Variants in SCEL observed in about 807,000 individuals in gnomAD.
SCEL encodes the protein sciellin.
In SCEL, 113 loss-of-function variants were observed where a neutral mutation model predicts 117.6. That is an observed-to-expected ratio of 0.96 (90% confidence interval 0.83 to 1.12). The LOEUF (loss-of-function observed/expected upper bound fraction) is 1.12. Among genes scored for constraint, SCEL ranks in the 50% most tolerant of loss-of-function variants. The pLI is 0.00. For synonymous variants in SCEL, 270 were observed against 256.2 expected (o/e 1.05, Z -0.51); for missense variants, 785 against 810.8 (o/e 0.97, Z 0.39).
chr13:77,613,840 C>CA, intron 23 of SCEL, 53 bp from the exon 24 acceptor site: 1 of 1,459,678 alleles, frequency 6.9e-7, no homozygotes. Flanking sequence ...CCTGTCAAAA[C>CA]AAAAAAGAAA....
chr13:77,599,220 C>A, intron 13 of SCEL, 109 bp from the exon 14 acceptor site: 1 of 731,560 alleles, frequency 1.4e-6, no homozygotes, highest in East Asian at 2.7e-5. Context: ...CTCATCTTCC[C>A]CAACAAGCTT....
At chr13:77,602,383 A>G in intron 16 of SCEL, 3 of 485,782 alleles carry the variant, frequency 6.2e-6, no homozygotes, top group Non-Finnish European at 1.1e-5. Context: ...GAGATGAGTC[A>G]AATTTTAATT....
chr13:77,571,654 A>G (rs1389063028), intron 8 of SCEL, among the ~76,000 whole-genome samples: 1 of 151,474 alleles, frequency 6.6e-6, no homozygotes, highest in Non-Finnish European at 1.5e-5. Flanking sequence ...GCGCCATTAC[A>G]CTCCGGCCTG....
chr13:77,565,780 A>C (rs2085253926), intron 5 of SCEL, among the ~76,000 whole-genome samples: 1 of 151,690 alleles, frequency 6.6e-6, no homozygotes, highest in African/African-American at 2.4e-5. Flanking sequence ...AGGTGTGCAA[A>C]AGAGACATAA....
chr13:77,638,443 A>G (rs2090407653), intron 30 of SCEL, among the ~76,000 whole-genome samples: 1 of 152,242 alleles, frequency 6.6e-6, no homozygotes, highest in South Asian at 2.1e-4. Context: ...TGATCTTAAT[A>G]AAGATAGTAC....
In SCEL at chr13:77,603,061, CT is replaced by C. The variant is rs376130527; in HGVS notation, c.1038-5del. The C allele has an allele frequency of 5.8e-3, 7,669 of 1,315,584 alleles. 30 individuals are homozygous for C. Among genetic ancestry groups the C allele is most frequent in the African/African-American group, 0.031 (2,086 of 66,754 alleles). 81.5% of individuals were successfully genotyped at this position (1,315,584 alleles called of 1,614,324 possible). ...GGGAATGTTTTGAAACTGATATAAA[CT>C]TTTTTTTTTAAAGAAGTGAAGACCT... On this transcript the variant is annotated splice_polypyrimidine_tract_variant and intron_variant, in intron 17 of 32. Transcript: ENST00000349847.
At chr13:77,599,188 A>G (rs2087462374) in intron 13 of SCEL, 141 bp from the exon 14 acceptor site, 2 of 626,856 alleles carry the variant, frequency 3.2e-6, no homozygotes, top group Non-Finnish European at 5.6e-6. Context: ...GTCTATGAAT[A>G]TACCTATTTC....
At chr13:77,616,481 T>A (rs2089051350) in intron 24 of SCEL, among the ~76,000 whole-genome samples, 1 of 152,060 alleles carries the variant, frequency 6.6e-6, no homozygotes, top group Non-Finnish European at 1.5e-5. Flanking sequence ...CAATCATTCT[T>A]TTAATAGTAT....
chr13:77,612,393 A>T (rs1456756662), intron 22 of SCEL, among the ~76,000 whole-genome samples: 1 of 150,244 alleles, frequency 6.7e-6, no homozygotes, highest in Non-Finnish European at 1.5e-5. Context: ...TGAATATTAC[A>T]TATTTATATT....
At chr13:77,632,897 C>T (rs2154406292) in intron 28 of SCEL, among the ~76,000 whole-genome samples, 1 of 152,320 alleles carries the variant, frequency 6.6e-6, no homozygotes, top group Non-Finnish European at 1.5e-5. Flanking sequence ...TCAAAGCAAC[C>T]TCTGGATCAT....
intron 9 of SCEL, among the ~76,000 whole-genome samples, chr13:77,587,748 C>G (rs886118895): frequency 1.3e-5 from 2 of 152,156 alleles, no homozygotes; most frequent in African/African-American, 4.8e-5. Context: ...CTTGGCCACT[C>G]CTCCTGATTC....
In SCEL at chr13:77,602,179, C is replaced by G; in HGVS notation, c.977+55C>G. On this transcript the variant is annotated intron_variant, in intron 16 of 32. Coordinates refer to ENST00000349847, the MANE Select transcript of SCEL (RefSeq NM_144777.3). ...CTTTTTATTCAGGTTAGCTTTTTTA[C>G]CTCATTAGGAATGGGAGTGTTATGC... 4 of 1,441,202 alleles carry G rather than the reference C, an allele frequency of 2.8e-6. No homozygotes were observed. In the South Asian group the frequency reaches 5.0e-5, roughly 18 times the overall value. The allele number at this position is 1,441,202 out of a possible 1,614,324, so 89.3% of individuals were successfully genotyped here. A position where few individuals can be genotyped will look rare whatever the true frequency, so the allele number is the denominator to read the frequency against.
intron 5 of SCEL, among the ~76,000 whole-genome samples, chr13:77,567,404 A>C (rs1337981011): frequency 6.6e-6 from 1 of 152,226 alleles, no homozygotes; most frequent in Non-Finnish European, 1.5e-5. Flanking sequence ...CAGTGAGCTG[A>C]GATCACACTA....
At chr13:77,630,262 T>C (rs2089965301) in intron 28 of SCEL, among the ~76,000 whole-genome samples, 1 of 152,158 alleles carries the variant, frequency 6.6e-6, no homozygotes, top group Non-Finnish European at 1.5e-5. Context: ...AGTTTAAATA[T>C]TTTTATTTCA....
chr13:77,584,275 C>T (rs2086436293), intron 9 of SCEL, among the ~76,000 whole-genome samples: 1 of 152,204 alleles, frequency 6.6e-6, no homozygotes, highest in Non-Finnish European at 1.5e-5. Context: ...TGACTCCTCT[C>T]ATTGCCCGCC....
In SCEL at chr13:77,555,868, A is replaced by G. The variant is rs1593912525; in HGVS notation, c.-8A>G. 2 of 1,611,838 alleles carry G rather than the reference A, an allele frequency of 1.2e-6. No homozygotes were observed. Among genetic ancestry groups the G allele is most frequent in the Non-Finnish European group, 1.7e-6 (2 of 1,178,084 alleles). On this transcript the variant is annotated 5_prime_UTR_variant, in exon 2 of 33. Transcript: ENST00000349847. Reference sequence around the variant, plus strand: ...CATTTTTCTTTTAGGTCCTTACTGGAAGGCAGCATGTCCAATGTTACCTTG... The same window carrying G: ...CATTTTTCTTTTAGGTCCTTACTGGGAGGCAGCATGTCCAATGTTACCTTG...
chr13:77,591,555 T>C, intron 11 of SCEL, 95 bp downstream of exon 11: 1 of 719,144 alleles, frequency 1.4e-6, no homozygotes, highest in Non-Finnish European at 2.4e-6. Flanking sequence ...AATAATAAGG[T>C]AGACAAAATC....
chr13:77,612,936 CA>C lies in SCEL; in HGVS notation c.1387del (p.Ser463AlafsTer32). The stretch of plus-strand genomic sequence containing the variant: ...TTATCAAAGTGATCCCTTCAGCAAA[CA>C]AAAGGTAAACTTATTAAGATAATTG... ...NLIKVIPSAN[K>X]SSEQGLDEHI... On this transcript the variant is annotated frameshift_variant, in exon 23 of 33. Coordinates refer to ENST00000349847, the MANE Select transcript of SCEL (RefSeq NM_144777.3). LOFTEE classifies it high-confidence loss of function. The C allele has an allele frequency of 6.4e-7, 1 of 1,554,764 alleles. No individual in the cohort carries two copies. The highest frequency in any genetic ancestry group is 2.0e-5 in the Admixed American group (1 of 51,248).
chr13:77,634,581 CTATA>C (rs1409675010), intron 29 of SCEL, 131 bp downstream of exon 29: 1 of 566,000 alleles, frequency 1.8e-6, no homozygotes. Context: ...ACATTGAGTT[CTATA>C]TATATATAAT....
Sources: gnomAD v4.1 joint callset for allele counts (sites outside exome capture counted in the v4.1 genomes callset) on GRCh38, gnomAD v4.1.1 for gene constraint, MANE v1.5 for transcripts, NCBI Gene and HGNC (gene_info 2026-07-23, HGNC 2026-07-21) for gene names.